Variants in NDC1 observed in about 807,000 individuals in gnomAD.
NDC1 encodes the protein NDC1 transmembrane nucleoporin.
Under a neutral mutation model 89.8 loss-of-function variants are expected in NDC1, and 24 were observed. The observed-to-expected ratio is 0.27, with a 90% CI of 0.19 to 0.38. The LOEUF (loss-of-function observed/expected upper bound fraction) is 0.38, where lower values mean the gene tolerates loss of function less well. NDC1 is among the 10% of genes least tolerant of loss of function. The pLI is 1.00. For missense variants in NDC1, 728 were observed against 797.6 expected (o/e 0.91, Z 1.05); for synonymous variants, 296 against 284.8 (o/e 1.04, Z -0.39).
chr1:53,793,113 C>T, intron 14 of NDC1, 116 bp downstream of exon 14: 1 of 901,358 alleles, frequency 1.1e-6, no homozygotes, highest in South Asian at 1.5e-5. Flanking sequence ...TGCAAAGCTG[C>T]CTAGCTTGCT....
Position 53,828,808 on chromosome 1 carries a change from C to T in NDC1, c.281-635G>A, listed in dbSNP as rs562867737. ...TGTATTTTTAGTAGAGATGGGGTTT[C>T]ACCATGTTGGTCAGGCTGGTCTCAA... On this transcript the variant is annotated intron_variant, in intron 3 of 17. Coordinates refer to ENST00000371429, the MANE Select transcript of NDC1 (RefSeq NM_018087.5). Among the ~76,000 whole-genome samples the T allele has an allele frequency of 8.6e-5, 13 of 151,874 alleles. No homozygotes were observed. The East Asian group carries it at 2.5e-3, about 29-fold the overall frequency.
At chr1:53,792,237 C>T (rs990218689) in intron 14 of NDC1, among the ~76,000 whole-genome samples, 2 of 152,136 alleles carry the variant, frequency 1.3e-5, no homozygotes, top group Non-Finnish European at 2.9e-5. Context: ...CCACCATGCC[C>T]GGCCTTTCCC....
Position 53,767,514 on chromosome 1 carries a change from C to A in NDC1, c.*456G>T, listed in dbSNP as rs1323935045. The A allele has an allele frequency of 6.6e-6, 1 of 152,282 alleles. No homozygotes were observed. Among genetic ancestry groups the A allele is most frequent in the African/African-American group, 2.4e-5 (1 of 41,422 alleles). 9.4% of individuals were successfully genotyped at this position (152,282 alleles called of 1,614,324 possible). Reference sequence around the variant, plus strand: ...ATTGCTGCACTGTTACCATTTTTATCCTTCAGTAAATGAAACTACACTTAA... The same window carrying A: ...ATTGCTGCACTGTTACCATTTTTATACTTCAGTAAATGAAACTACACTTAA... On this transcript the variant is annotated 3_prime_UTR_variant, in exon 18 of 18. Transcript: ENST00000371429.
chr1:53,799,706 T>C (rs973730452), intron 11 of NDC1, among the ~76,000 whole-genome samples: 2 of 152,142 alleles, frequency 1.3e-5, no homozygotes, highest in African/African-American at 4.8e-5. Context: ...GCTTCCCCCT[T>C]CAGAGGAAGC....
chr1:53,831,116 T>C (rs1056524784), intron 3 of NDC1, among the ~76,000 whole-genome samples: 2 of 151,410 alleles, frequency 1.3e-5, no homozygotes, highest in African/African-American at 2.4e-5. Context: ...TCCCAGCTAC[T>C]TGGGAGGCTG....
rs1648021134 is a variant in NDC1 at position 53,804,085 on chromosome 1, T to A, written c.985-76A>T. On this transcript the variant is annotated intron_variant, in intron 9 of 17. Transcript: ENST00000371429. ...AAAATCTCACTAATTGGGTTCATCA[T>A]TATATATCCAAGAGGAAATTAATTA... is the stretch of plus-strand genomic sequence containing the variant. 4.0e-6 allele frequency: 4 copies of A among 1,002,666 alleles called. No individual in the cohort carries two copies. The East Asian group carries it at 9.7e-5, about 24-fold the overall frequency. The allele number at this position is 1,002,666 out of a possible 1,614,324, so 62.1% of individuals were successfully genotyped here. A position where few individuals can be genotyped will look rare whatever the true frequency, so the allele number is the denominator to read the frequency against.
intron 6 of NDC1, among the ~76,000 whole-genome samples, chr1:53,818,107 T>C (rs1648540036): frequency 6.6e-6 from 1 of 152,186 alleles, no homozygotes; most frequent in Non-Finnish European, 1.5e-5. Context: ...AAGAATGCAT[T>C]TGTTTTTAAT....
intron 16 of NDC1, among the ~76,000 whole-genome samples, chr1:53,786,208 A>G (rs1647302187): frequency 6.6e-6 from 1 of 152,060 alleles, no homozygotes; most frequent in Non-Finnish European, 1.5e-5. Context: ...TTATAGGTAC[A>G]AGCCACTGCA....
At chr1:53,769,484 T>A (rs1647094361) in intron 17 of NDC1, among the ~76,000 whole-genome samples, 1 of 152,264 alleles carries the variant, frequency 6.6e-6, no homozygotes, top group Admixed American at 6.5e-5. Context: ...TTTTACTATT[T>A]ATATATAAAT....
chr1:53,835,672 G>A, intron 1 of NDC1, 52 bp from the exon 2 acceptor site: 1 of 1,527,904 alleles, frequency 6.5e-7, no homozygotes, highest in East Asian at 2.3e-5. Context: ...AATTATTTCA[G>A]TTATGCAAAT....
chr1:53,765,535 G>A lies in NDC1; in HGVS notation c.*2435C>T, dbSNP rs910347278. 1 of 151,374 alleles carries A rather than the reference G, an allele frequency of 6.6e-6. No homozygotes were observed. Among genetic ancestry groups the A allele is most frequent in the Non-Finnish European group, 1.5e-5 (1 of 67,938 alleles). The allele number at this position is 151,374 out of a possible 1,614,324, so 9.4% of individuals were successfully genotyped here. On this transcript the variant is annotated 3_prime_UTR_variant, in exon 18 of 18. Transcript: ENST00000371429. ...AATCCAGTATCAACGATATACAAAAGGATATAAACAGACTATCATGAATAT... is the reference window on the plus strand; with the variant it reads ...AATCCAGTATCAACGATATACAAAAAGATATAAACAGACTATCATGAATAT...
At chr1:53,791,846 A>AT (rs1204848628) in intron 14 of NDC1, among the ~76,000 whole-genome samples, 2 of 152,206 alleles carry the variant, frequency 1.3e-5, no homozygotes, top group Non-Finnish European at 2.9e-5. Context: ...ATAAAAAGAC[A>AT]TATCTCACAG....
Position 53,797,225 on chromosome 1 carries a change from C to A in NDC1, c.1223-81G>T, listed in dbSNP as rs192166625. 7.9e-4 allele frequency: 1,137 copies of A among 1,436,306 alleles called. 4 individuals are homozygous for A. Among genetic ancestry groups the A allele is most frequent in the Admixed American group, 1.6e-3 (74 of 47,272 alleles). The allele number at this position is 1,436,306 out of a possible 1,614,324, so 89.0% of individuals were successfully genotyped here. On this transcript the variant is annotated intron_variant, in intron 11 of 17. Coordinates refer to ENST00000371429, the MANE Select transcript of NDC1 (RefSeq NM_018087.5). ...GCAACGCTTTCAAATTCTACACATA[C>A]CAAATTTTTGTTTAACGCATTTACC...
At chr1:53,793,925 C>G (rs1057399694) in intron 13 of NDC1, among the ~76,000 whole-genome samples, 24 of 151,824 alleles carry the variant, frequency 1.6e-4, no homozygotes, top group African/African-American at 5.8e-4. Context: ...CTGTCCTGCC[C>G]TTTAACCTTT....
At chr1:53,808,080 C>T (rs958443714) in intron 7 of NDC1, among the ~76,000 whole-genome samples, 9 of 152,294 alleles carry the variant, frequency 5.9e-5, no homozygotes, top group Admixed American at 4.6e-4. Context: ...AGCCTCACTA[C>T]GAGCAGCTGG....
Position 53,796,741 on chromosome 1 carries a change from G to A in NDC1, c.1532C>T (p.Thr511Ile), listed in dbSNP as rs1158610970. 1.2e-6 allele frequency: 2 copies of A among 1,612,242 alleles called. No homozygotes were observed. The highest frequency in any genetic ancestry group is 2.2e-5 in the East Asian group (1 of 44,850). Residue 511 changes from threonine to isoleucine, a missense_variant, in exon 13 of 18, where the codon ACA (threonine) becomes ATA (isoleucine). Coordinates refer to ENST00000371429, the MANE Select transcript of NDC1 (RefSeq NM_018087.5). ...ATAAATCACACTGGGTTGTCTCATTGTCTTACCCTCAGCACTAATAGAGGT... is the reference window on the plus strand; with the variant it reads ...ATAAATCACACTGGGTTGTCTCATTATCTTACCCTCAGCACTAATAGAGGT... Reference protein sequence around the residue: ...PSTSISAEGKTMRQPSVIYSW... With the variant: ...PSTSISAEGKIMRQPSVIYSW...
intron 16 of NDC1, among the ~76,000 whole-genome samples, chr1:53,779,352 A>G (rs1356493824): frequency 6.6e-6 from 1 of 151,968 alleles, no homozygotes; most frequent in Non-Finnish European, 1.5e-5. Context: ...TATTAGTTCT[A>G]TAACATACTT....
intron 10 of NDC1, among the ~76,000 whole-genome samples, chr1:53,801,433 T>G (rs1382338727): frequency 6.6e-6 from 1 of 152,242 alleles, no homozygotes; most frequent in Non-Finnish European, 1.5e-5. Context: ...TTATTTAACT[T>G]AAACTACTGT....
rs369321935 is a variant in NDC1 at position 53,809,753 on chromosome 1, G to A, written c.704-7C>T. Reference sequence around the variant, plus strand: ...CAAGCTTTGGGAATATAGCCTGAAGGGAAAAAATACCAAGCTATGAACATA... The same window carrying A: ...CAAGCTTTGGGAATATAGCCTGAAGAGAAAAAATACCAAGCTATGAACATA... On this transcript the variant is annotated splice_region_variant and splice_polypyrimidine_tract_variant and intron_variant, in intron 6 of 17. Transcript: ENST00000371429. 8.7e-6 allele frequency: 14 copies of A among 1,609,706 alleles called. No individual in the cohort carries two copies. The South Asian group carries it at 1.2e-4, about 14-fold the overall frequency.
Sources: allele counts gnomAD v4.1 joint callset (sites outside exome capture counted in the v4.1 genomes callset), GRCh38; gene constraint gnomAD v4.1.1; transcripts MANE v1.5; gene names NCBI Gene and HGNC (gene_info 2026-07-23, HGNC 2026-07-21).